Variants in FAS observed in about 807,000 individuals in gnomAD.
FAS encodes the protein tumor necrosis factor receptor superfamily member 6.
A neutral mutation model predicts 33.2 loss-of-function variants in FAS; 5 were observed. The ratio of observed to expected loss-of-function variants is 0.15; its 90% CI spans 0.08 to 0.32. The LOEUF is 0.32. FAS is among the 10% of genes least tolerant of loss of function. The pLI, the probability that FAS is intolerant of heterozygous loss-of-function variation, is 1.00. For synonymous variants in FAS, 131 were observed against 130.7 expected, an observed-to-expected ratio of 1.00 and a Z score of -0.01; for missense variants, 339 against 386.0, an observed-to-expected ratio of 0.88 and a Z score of 1.02.
chr10:88,967,765 C>T (rs1289212704), intron 1 of FAS, among the ~76,000 whole-genome samples: 1 of 152,178 alleles, frequency 6.6e-6, no homozygotes, highest in Non-Finnish European at 1.5e-5. Flanking sequence ...ATTACATCAG[C>T]AGGTTCAGAA....
intron 2 of FAS, among the ~76,000 whole-genome samples, chr10:89,006,016 A>G (rs1848208645): frequency 1.3e-5 from 2 of 152,224 alleles, no homozygotes. Context: ...TATACTAAAA[A>G]AAGTATTTTA....
intron 2 of FAS, 31 bp downstream of exon 2, chr10:89,003,225 G>A: frequency 6.2e-7 from 1 of 1,613,454 alleles, no homozygotes. Flanking sequence ...AGAGATTACA[G>A]TGAAAGTCAC....
chr10:88,967,050 G>A (rs1418536591), intron 1 of FAS, among the ~76,000 whole-genome samples: 1 of 152,164 alleles, frequency 6.6e-6, no homozygotes, highest in Non-Finnish European at 1.5e-5. Context: ...TTTAGCTTCA[G>A]ACATACTTTA....
At chr10:88,979,436 T>C (rs1419541789) in intron 2 of FAS, among the ~76,000 whole-genome samples, 1 of 152,162 alleles carries the variant, frequency 6.6e-6, no homozygotes. Context: ...GATGAGAGTC[T>C]GGCCAAATAA....
exon 2 of FAS, chr10:88,973,286 G>A (rs1190974922): frequency 1.2e-6 from 2 of 1,612,184 alleles, no homozygotes; most frequent in Non-Finnish European, 1.7e-6. Flanking sequence ...GGATCTCTAG[G>A]TCATCATCAC....
chr10:88,975,981 T>C (rs1444129333), intron 2 of FAS, among the ~76,000 whole-genome samples: 2 of 152,220 alleles, frequency 1.3e-5, no homozygotes, highest in Admixed American at 6.5e-5. Flanking sequence ...ATCTGATGTC[T>C]CTTTCAAGTT....
chr10:88,984,101 T>C (rs1353058902), upstream of FAS, among the ~76,000 whole-genome samples: 4 of 152,236 alleles, frequency 2.6e-5, no homozygotes, highest in Admixed American at 2.0e-4. Flanking sequence ...AGAGCTATTC[T>C]AGTTCTGTTT....
intron 1 of FAS, among the ~76,000 whole-genome samples, chr10:88,970,694 G>C (rs148676939): frequency 1.1e-3 from 161 of 152,164 alleles, no homozygotes; most frequent in Middle Eastern, 6.8e-3. Flanking sequence ...ACAGGAAGAG[G>C]AACATCACAC....
intron 4 of FAS, 72 bp from the exon 5 acceptor site, chr10:89,010,467 A>T: frequency 7.7e-7 from 1 of 1,292,928 alleles, no homozygotes; most frequent in Non-Finnish European, 1.1e-6. Context: ...CCTAATTTAC[A>T]AAGTGCCATT....
intron 2 of FAS, among the ~76,000 whole-genome samples, chr10:89,007,423 T>C (rs1020555558): frequency 1.3e-5 from 2 of 152,188 alleles, no homozygotes; most frequent in African/African-American, 4.8e-5. Flanking sequence ...GTGTACTTTG[T>C]CATTCTAACC....
intron 2 of FAS, chr10:88,974,315 T>C (rs1846516151): frequency 6.6e-6 from 1 of 152,140 alleles, no homozygotes; most frequent in Admixed American, 6.5e-5. Context: ...AGAAAAATGT[T>C]CTTGACATTT....
chr10:88,968,872 A>C (rs1846370705), intron 1 of FAS, among the ~76,000 whole-genome samples: 1 of 152,186 alleles, frequency 6.6e-6, no homozygotes, highest in Admixed American at 6.6e-5. Context: ...CTTCTTGGAA[A>C]GTAGATGTGG....
intron 2 of FAS, among the ~76,000 whole-genome samples, chr10:89,003,836 A>T (rs1848071997): frequency 6.6e-6 from 1 of 152,236 alleles, no homozygotes; most frequent in Non-Finnish European, 1.5e-5. Context: ...GTAGAGTTGA[A>T]AAAAGGAAAA....
chr10:88,965,271 G>A (rs1230186683), intron 1 of FAS, among the ~76,000 whole-genome samples: 1 of 149,886 alleles, frequency 6.7e-6, no homozygotes, highest in East Asian at 1.9e-4. Flanking sequence ...TTCCCTTAGG[G>A]CACCCTGCCC....
At chr10:89,006,978 T>C (rs1848263059) in intron 2 of FAS, among the ~76,000 whole-genome samples, 1 of 152,230 alleles carries the variant, frequency 6.6e-6, no homozygotes, top group African/African-American at 2.4e-5. Flanking sequence ...GGCATAAATA[T>C]GTTAATGCTT....
At chr10:88,983,631 AAAAAAAAACACACACACAC>A (rs1846774303), upstream of FAS, among the ~76,000 whole-genome samples, 1 of 145,248 alleles carries the variant, frequency 6.9e-6, no homozygotes, top group Non-Finnish European at 1.5e-5. Flanking sequence ...AAAAAAAAAA[AAAAAAAAACACACACACAC>A]ACACACACAC....
At chr10:88,976,217 G>C (rs1406115401) in intron 2 of FAS, among the ~76,000 whole-genome samples, 3 of 151,932 alleles carry the variant, frequency 2.0e-5, no homozygotes, top group Admixed American at 2.0e-4. Context: ...AAAAAAAATC[G>C]CCAAAAATCT....
In FAS at chr10:89,007,782, C is replaced by A. The variant is rs771699698; in HGVS notation, c.279C>A (p.Asp93Glu). 7 of 1,613,924 alleles carry A rather than the reference C, an allele frequency of 4.3e-6. No individual in the cohort carries two copies. Among genetic ancestry groups the A allele is most frequent in the Non-Finnish European group, 5.1e-6 (6 of 1,179,952 alleles). Residue 93 changes from aspartate to glutamate, a missense_variant, in exon 3 of 9, where the codon GAC becomes GAA. By Grantham distance (45) the Asp-to-Glu change is conservative. Transcript: ENST00000652046. ...GCCAAGAAGGGAAGGAGTACACAGACAAAGCCCATTTTTCTTCCAAATGCA... is the reference window on the plus strand; with the variant it reads ...GCCAAGAAGGGAAGGAGTACACAGAAAAAGCCCATTTTTCTTCCAAATGCA... ...VPCQEGKEYTDKAHFSSKCRR... is the reference protein window; with the variant it reads ...VPCQEGKEYTEKAHFSSKCRR...
rs1589439985 is a variant in FAS, at chr10:88,990,997, C to T, written c.30+91C>T. ...CGGGCGCGGGACGCGTGCGGGATTGCGGCGGCAGCGGCGCACGCGGGCACC... is the reference window on the plus strand; with the variant it reads ...CGGGCGCGGGACGCGTGCGGGATTGTGGCGGCAGCGGCGCACGCGGGCACC... On this transcript the variant is annotated intron_variant, in intron 1 of 8. Transcript: ENST00000652046. The surrounding 1 kb of genome is among the most constrained non-coding windows in gnomAD (Gnocchi z 4.9). 2 of 1,561,810 alleles carry T rather than the reference C, an allele frequency of 1.3e-6. No individual in the cohort carries two copies. The highest frequency in any genetic ancestry group is 1.7e-5 in the Admixed American group (1 of 57,998).
Sources: allele counts gnomAD v4.1 joint callset (sites outside exome capture counted in the v4.1 genomes callset), GRCh38; gene constraint gnomAD v4.1.1; non-coding constraint Gnocchi (gnomAD v3.1); transcripts MANE v1.5; gene names NCBI Gene and HGNC (gene_info 2026-07-23, HGNC 2026-07-21).